The following SV2B variants were observed in gnomAD, a reference collection of about 807,000 sequenced individuals.
The protein encoded by SV2B is synaptic vesicle glycoprotein 2B.
A neutral mutation model predicts 73.9 loss-of-function variants in SV2B; 41 were observed. The observed-to-expected ratio is 0.56, with a 90% CI of 0.43 to 0.72. SV2B has a LOEUF of 0.72. Ranked by LOEUF, SV2B falls within the 30% of genes least tolerant of loss-of-function variation. The pLI is 0.00. For synonymous variants in SV2B, 314 were observed against 314.2 expected (o/e 1.00, Z 0.01); for missense variants, 764 against 857.8 (o/e 0.89, Z 1.37).
chr15:91,131,036 G>A lies in SV2B; in HGVS notation c.-392+30673G>A, dbSNP rs556822462. Among the ~76,000 whole-genome samples, 7 of 151,938 alleles carry A rather than the reference G, an allele frequency of 4.6e-5. No homozygotes were observed. In the South Asian group the frequency reaches 1.5e-3, roughly 32 times the overall value. ...CGCTGTGGAGGGAGAGGAGGAGAAG[G>A]GAGTGGGTGAAGTTGGGAGACTTTC... On this transcript the variant is annotated intron_variant, in intron 1 of 12. Coordinates refer to ENST00000394232, the MANE Select transcript of SV2B (RefSeq NM_001323032.3).
rs751888588 is a variant in SV2B at position 91,226,432 on chromosome 15, G to C, written c.169G>C (p.Asp57His). 1 of 1,614,214 alleles carries C rather than the reference G, an allele frequency of 6.2e-7. No individual in the cohort carries two copies. The highest frequency in any genetic ancestry group is 1.7e-5 in the Admixed American group (1 of 60,030). Residue 57 changes from aspartate to histidine, a missense_variant, in exon 2 of 13, where the codon GAT becomes CAT. Asp to His is a moderately conservative substitution (Grantham distance 81). Coordinates refer to ENST00000394232, the MANE Select transcript of SV2B (RefSeq NM_001323032.3). ...EGEYQGIPHP[D>H]DVKAKQAKMA... The stretch of plus-strand genomic sequence containing the variant: ...CGAGTACCAGGGTATCCCTCACCCA[G>C]ATGATGTCAAGGCCAAGCAGGCCAA...
Position 91,243,472 on chromosome 15 carries a change from C to A in SV2B, c.452-8347C>A, listed in dbSNP as rs147823443. On this transcript the variant is annotated intron_variant, in intron 2 of 12. Coordinates refer to ENST00000394232, the MANE Select transcript of SV2B (RefSeq NM_001323032.3). ...AGAAGATTAAGGAAAGTGACAGATA[C>A]CCCTCTGCCCCAAGGCTAAGGTGAG... Among the ~76,000 whole-genome samples the A allele has an allele frequency of 5.6e-3, 859 of 152,230 alleles. 6 individuals are homozygous for A. Among genetic ancestry groups the A allele is most frequent in the Non-Finnish European group, 8.3e-3 (566 of 68,016 alleles).
intron 1 of SV2B, among the ~76,000 whole-genome samples, chr15:91,211,787 C>T (rs1431002528): frequency 1.3e-5 from 2 of 150,872 alleles, no homozygotes; most frequent in Non-Finnish European, 2.9e-5. Flanking sequence ...CAGGCATGAG[C>T]CACCTCGCCT....
Position 91,268,177 on chromosome 15 carries a change from G to T in SV2B, c.1209-264G>T, listed in dbSNP as rs1332349703. On this transcript the variant is annotated intron_variant, in intron 8 of 12. Transcript: ENST00000394232. The surrounding 1 kb of genome is among the most constrained non-coding windows in gnomAD (Gnocchi z 4.4). ...CATGTATATTTTACATGTTAAGGAG[G>T]TGTCCCTCAACCCCTAATCTATTGG... Among the ~76,000 whole-genome samples, 1 of 152,198 alleles carries T rather than the reference G, an allele frequency of 6.6e-6. No homozygotes were observed. Among genetic ancestry groups the T allele is most frequent in the African/African-American group, 2.4e-5 (1 of 41,442 alleles).
In SV2B at chr15:91,136,254, G is replaced by A. The variant is rs1392481332; in HGVS notation, c.-392+35891G>A. Among the ~76,000 whole-genome samples, 18 of 152,200 alleles carry A rather than the reference G, an allele frequency of 1.2e-4. No homozygotes were observed. ...ATTCAGGTGGGCATACTCAGATGCA[G>A]TGTAGCATAGGTATAAACCTCAGAT... On this transcript the variant is annotated intron_variant, in intron 1 of 12. Coordinates refer to ENST00000394232, the MANE Select transcript of SV2B (RefSeq NM_001323032.3). The surrounding 1 kb of genome is among the most constrained non-coding windows in gnomAD (Gnocchi z 5.6).
rs989321991 is a variant in SV2B, at chr15:91,122,973, A to G, written c.-392+22610A>G. The stretch of plus-strand genomic sequence containing the variant: ...GCTATAGTTAATAACAATGTATTGT[A>G]TTCTTGAAAATTGCTGGTCAGGTGT... On this transcript the variant is annotated intron_variant, in intron 1 of 12. Transcript: ENST00000394232. This position sits in a 1 kb window ranked among gnomAD's most constrained non-coding sequence, Gnocchi z 4.3. Among the ~76,000 whole-genome samples, 2 of 152,194 alleles carry G rather than the reference A, an allele frequency of 1.3e-5. No homozygotes were observed. Among genetic ancestry groups the G allele is most frequent in the African/African-American group, 4.8e-5 (2 of 41,458 alleles).
At position 91,128,318 on chromosome 15, in the gene SV2B, C is replaced by G. The variant is rs2042545283; in HGVS notation, c.-392+27955C>G. On this transcript the variant is annotated intron_variant, in intron 1 of 12. Transcript: ENST00000394232. This position sits in a 1 kb window ranked among gnomAD's most constrained non-coding sequence, Gnocchi z 4.2. ...GAATGTAAAAGCTGTTCTGTTCTTT[C>G]CTTGACAATTATCTTTGCAGCTTGT... 6.6e-6 allele frequency among the ~76,000 whole-genome samples: 1 copy of G among 152,166 alleles called. No homozygotes were observed. The highest frequency in any genetic ancestry group is 2.1e-4 in the South Asian group (1 of 4,820).
intron 1 of SV2B, among the ~76,000 whole-genome samples, chr15:91,215,478 A>G (rs1026490837): frequency 1.3e-5 from 2 of 152,212 alleles, no homozygotes; most frequent in African/African-American, 4.8e-5. Flanking sequence ...AGGTTTTGGA[A>G]CACAGAGGAA....
intron 1 of SV2B, among the ~76,000 whole-genome samples, chr15:91,162,384 T>G (rs953486849): frequency 6.6e-6 from 1 of 152,198 alleles, no homozygotes; most frequent in African/African-American, 2.4e-5. Context: ...TTTTGCTACA[T>G]CAAAATAATA....
chr15:91,104,549 T>C (rs1040004156), intron 1 of SV2B, among the ~76,000 whole-genome samples: 1 of 152,246 alleles, frequency 6.6e-6, no homozygotes, highest in African/African-American at 2.4e-5. Flanking sequence ...ATAGTCACAT[T>C]GCAAAATGTA....
chr15:91,191,636 C>T (rs1031627198), intron 1 of SV2B, among the ~76,000 whole-genome samples: 10 of 152,170 alleles, frequency 6.6e-5, no homozygotes, highest in Non-Finnish European at 1.0e-4. Context: ...TCCCCTACTG[C>T]GGTAGCTCAA....
chr15:91,222,172 C>T (rs561161033), intron 1 of SV2B, among the ~76,000 whole-genome samples: 1 of 152,292 alleles, frequency 6.6e-6, no homozygotes, highest in Non-Finnish European at 1.5e-5. Context: ...TAGGATCCCT[C>T]CTTCCTTTGG....
rs2045310679 is a variant in SV2B at position 91,197,940 on chromosome 15, A to C, written c.-391-27933A>C. Among the ~76,000 whole-genome samples, 1 of 152,184 alleles carries C rather than the reference A, an allele frequency of 6.6e-6. No homozygotes were observed. The highest frequency in any genetic ancestry group is 2.1e-4 in the South Asian group (1 of 4,826). ...TCCCAGCTACTTGGCAGGCTGAAGCAGGAGAATCTCTTGAACCTGGGAGGC... is the reference window on the plus strand; with the variant it reads ...TCCCAGCTACTTGGCAGGCTGAAGCCGGAGAATCTCTTGAACCTGGGAGGC... On this transcript the variant is annotated intron_variant, in intron 1 of 12. Transcript: ENST00000394232. The surrounding 1 kb of genome is among the most constrained non-coding windows in gnomAD (Gnocchi z 4.9).
chr15:91,117,165 A>G (rs909514189), intron 1 of SV2B, among the ~76,000 whole-genome samples: 4 of 152,164 alleles, frequency 2.6e-5, no homozygotes, highest in African/African-American at 9.7e-5. Context: ...TTTTTGTTCC[A>G]TGGTGGCAAG....
intron 1 of SV2B, among the ~76,000 whole-genome samples, chr15:91,201,530 G>A (rs1182632281): frequency 1.3e-5 from 2 of 152,120 alleles, no homozygotes; most frequent in Non-Finnish European, 2.9e-5. Flanking sequence ...CGTGTGCAGT[G>A]CCATTTCTCC....
chr15:91,239,330 T>C lies in SV2B; in HGVS notation c.452-12489T>C, dbSNP rs117276710. Among the ~76,000 whole-genome samples, 859 of 152,024 alleles carry C rather than the reference T, an allele frequency of 5.7e-3. 6 individuals are homozygous for C. Among genetic ancestry groups the C allele is most frequent in the Non-Finnish European group, 8.3e-3 (565 of 67,978 alleles). On this transcript the variant is annotated intron_variant, in intron 2 of 12. Coordinates refer to ENST00000394232, the MANE Select transcript of SV2B (RefSeq NM_001323032.3). The surrounding 1 kb of genome is among the most constrained non-coding windows in gnomAD (Gnocchi z 5.1). ...GAAGTTTTGTCCTTGCCTTGTCCTC[T>C]CTGCCTCACCTCTCGGTGGGTCCTA...
rs2049361622 is a variant in SV2B, at chr15:91,299,340, C to A, written c.*6788C>A. On this transcript the variant is annotated 3_prime_UTR_variant, in exon 13 of 13. Transcript: ENST00000394232. ...CGGCAAAGCAAATCCCATAGACACC[C>A]AAAATACTAAAAGTGACAAAACAAT... The A allele has an allele frequency of 6.6e-6, 1 of 152,060 alleles. No homozygotes were observed. Among genetic ancestry groups the A allele is most frequent in the Non-Finnish European group, 1.5e-5 (1 of 68,010 alleles). 9.4% of individuals were successfully genotyped at this position (152,060 alleles called of 1,614,324 possible). A position where few individuals can be genotyped will look rare whatever the true frequency, so the allele number is the denominator to read the frequency against.
rs574806317 is a variant in SV2B, at chr15:91,104,281, C to A, written c.-392+3918C>A. On this transcript the variant is annotated intron_variant, in intron 1 of 12. Transcript: ENST00000394232. ...TGCTGATGGAGTGTCTGAGGGCTGG[C>A]TGCTTTAGGATGGCCTCAGCTGGAT... 2.0e-5 allele frequency among the ~76,000 whole-genome samples: 3 copies of A among 152,326 alleles called. No homozygotes were observed. The South Asian group carries it at 6.2e-4, about 32-fold the overall frequency.
In SV2B at chr15:91,124,905, C is replaced by T. The variant is rs899490627; in HGVS notation, c.-392+24542C>T. ...CTGACTTCAAGTGATCCACCCGCCT[C>T]GGCCTCCCAAAGTGCTGATATTACA... is the stretch of plus-strand genomic sequence containing the variant. On this transcript the variant is annotated intron_variant, in intron 1 of 12. Transcript: ENST00000394232. The surrounding 1 kb of genome is among the most constrained non-coding windows in gnomAD (Gnocchi z 4.6). Among the ~76,000 whole-genome samples, 12 of 152,268 alleles carry T rather than the reference C, an allele frequency of 7.9e-5. No homozygotes were observed. The highest frequency in any genetic ancestry group is 4.1e-4 in the South Asian group (2 of 4,828).
Sources: gnomAD v4.1 joint callset for allele counts (sites outside exome capture counted in the v4.1 genomes callset) on GRCh38, gnomAD v4.1.1 for gene constraint, Gnocchi (gnomAD v3.1) non-coding constraint, MANE v1.5 for transcripts, NCBI Gene and HGNC (gene_info 2026-07-23, HGNC 2026-07-21) for gene names.